The following GNAI1 variants were observed in gnomAD, a reference collection of about 807,000 sequenced individuals.
GNAI1 encodes G protein subunit alpha i1.
GNAI1 carries 11 observed loss-of-function variants against 38.9 expected under a neutral mutation model. The ratio of observed to expected loss-of-function variants is 0.28; its 90% CI spans 0.18 to 0.47. The LOEUF is 0.47. Ranked by LOEUF, GNAI1 falls within the 20% of genes least tolerant of loss-of-function variation. GNAI1 has a pLI of 0.99. For missense variants in GNAI1, 317 were observed against 436.9 expected, an observed-to-expected ratio of 0.73 and a Z score of 2.45; for synonymous variants, 166 against 145.1, an observed-to-expected ratio of 1.14 and a Z score of -1.04.
chr7:80,176,783 T>C (rs961569529), intron 1 of GNAI1, among the ~76,000 whole-genome samples: 6 of 151,040 alleles, frequency 4.0e-5, no homozygotes, highest in Non-Finnish European at 7.4e-5. Context: ...ACTAAAAATA[T>C]AAAAATTAGC....
chr7:80,215,821 G>A (rs1269114176), intron 7 of GNAI1, among the ~76,000 whole-genome samples: 1 of 152,190 alleles, frequency 6.6e-6, no homozygotes, highest in African/African-American at 2.4e-5. Flanking sequence ...GTTAGATGGA[G>A]TGCCAATTTT....
chr7:80,223,392 G>A lies in GNAI1; in HGVS notation c.*5899G>A, dbSNP rs1387443286. Among the ~76,000 whole-genome samples the A allele has an allele frequency of 6.6e-6, 1 of 152,164 alleles. No individual in the cohort carries two copies. The highest frequency in any genetic ancestry group is 1.5e-5 in the Non-Finnish European group (1 of 68,024). ...TTTGTACAATTTCAGTGTAAAGCTA[G>A]TCTTCAAAATAAACCACTGTGAAGA... On this transcript the variant is annotated 3_prime_UTR_variant, in exon 8 of 8. Coordinates refer to ENST00000649796, the MANE Select transcript of GNAI1 (RefSeq NM_002069.6).
At position 80,152,466 on chromosome 7, in the gene GNAI1, T is replaced by C. The variant is rs139670964; in HGVS notation, c.118+17188T>C. On this transcript the variant is annotated intron_variant, in intron 1 of 7. Coordinates refer to ENST00000649796, the MANE Select transcript of GNAI1 (RefSeq NM_002069.6). ...AAAAGGGGAAACTAAGTTATGCATA[T>C]CCATTGAAATAGGTCGATGTTTTGT... Among the ~76,000 whole-genome samples, 582 of 152,074 alleles carry C rather than the reference T, an allele frequency of 3.8e-3. 5 individuals carry two copies. Among genetic ancestry groups the C allele is most frequent in the African/African-American group, 0.013 (547 of 41,488 alleles).
intron 1 of GNAI1, among the ~76,000 whole-genome samples, chr7:80,147,369 C>T (rs1273331707): frequency 8.3e-6 from 1 of 121,018 alleles, no homozygotes; most frequent in African/African-American, 3.0e-5. Flanking sequence ...GATTGGTATC[C>T]TTATTAAAAA....
At chr7:80,135,396 A>G in intron 1 of GNAI1, 118 bp downstream of exon 1, 1 of 543,762 alleles carries the variant, frequency 1.8e-6, no homozygotes, top group Non-Finnish European at 2.9e-6. Context: ...GAGGCTTCTG[A>G]GCGGGAGCTG....
intron 1 of GNAI1, among the ~76,000 whole-genome samples, chr7:80,175,839 C>T (rs958073141): frequency 6.6e-6 from 1 of 152,136 alleles, no homozygotes; most frequent in African/African-American, 2.4e-5. Flanking sequence ...TCTACCTCTC[C>T]TCAAACCTCC....
intron 4 of GNAI1, among the ~76,000 whole-genome samples, chr7:80,202,050 GA>G (rs1056096856): frequency 7.2e-5 from 11 of 151,986 alleles, no homozygotes; most frequent in Non-Finnish European, 1.5e-4. Context: ...TATTTTTAGA[GA>G]TTTTTTTGAA....
At chr7:80,178,621 T>G (rs1346856325) in intron 1 of GNAI1, among the ~76,000 whole-genome samples, 1 of 152,196 alleles carries the variant, frequency 6.6e-6, no homozygotes, top group African/African-American at 2.4e-5. Context: ...ATAAAGTATT[T>G]TTTATTAAGG....
At chr7:80,182,524 C>T (rs544228272) in intron 1 of GNAI1, among the ~76,000 whole-genome samples, 1 of 152,136 alleles carries the variant, frequency 6.6e-6, no homozygotes, top group South Asian at 2.1e-4. Flanking sequence ...CAGATATCTC[C>T]CATGTATGTG....
chr7:80,200,895 G>T, intron 4 of GNAI1, among the ~76,000 whole-genome samples: 1 of 152,118 alleles, frequency 6.6e-6, no homozygotes, highest in Non-Finnish European at 1.5e-5. Context: ...TTGACCCACT[G>T]AGTTGGTCCT....
chr7:80,203,971 C>G, intron 5 of GNAI1, 139 bp downstream of exon 5: 1 of 493,080 alleles, frequency 2.0e-6, no homozygotes, highest in South Asian at 3.6e-5. Context: ...GATGATTGGA[C>G]AAAAGAATGT....
At chr7:80,168,110 T>G (rs868123698) in intron 1 of GNAI1, among the ~76,000 whole-genome samples, 3 of 152,156 alleles carry the variant, frequency 2.0e-5, no homozygotes, top group Non-Finnish European at 4.4e-5. Context: ...TCATTGCCCT[T>G]AGCTGACTCC....
At chr7:80,180,238 A>G (rs886595544) in intron 1 of GNAI1, among the ~76,000 whole-genome samples, 1 of 152,116 alleles carries the variant, frequency 6.6e-6, no homozygotes, top group Non-Finnish European at 1.5e-5. Flanking sequence ...ATTTTCATAA[A>G]TGTGTATGTA....
chr7:80,177,719 T>A (rs1295030365), intron 1 of GNAI1, among the ~76,000 whole-genome samples: 1 of 152,234 alleles, frequency 6.6e-6, no homozygotes, highest in South Asian at 2.1e-4. Context: ...CCTGAAGCTA[T>A]TCTCCTGACT....
intron 3 of GNAI1, among the ~76,000 whole-genome samples, chr7:80,191,899 GTTT>G (rs1478939427): frequency 6.6e-6 from 1 of 152,040 alleles, no homozygotes. Flanking sequence ...CAACATTTCA[GTTT>G]TTAACATCTG....
chr7:80,159,434 G>T (rs900909923), intron 1 of GNAI1, among the ~76,000 whole-genome samples: 1 of 151,986 alleles, frequency 6.6e-6, no homozygotes, highest in Non-Finnish European at 1.5e-5. Context: ...ACTCTTGTTG[G>T]CCCATAGCAG....
intron 1 of GNAI1, among the ~76,000 whole-genome samples, chr7:80,182,530 A>G (rs557307977): frequency 4.6e-4 from 70 of 152,282 alleles, no homozygotes; most frequent in African/African-American, 1.7e-3. Context: ...TCTCCCATGT[A>G]TGTGTAAATA....
chr7:80,163,029 T>C (rs1787949971), intron 1 of GNAI1, among the ~76,000 whole-genome samples: 1 of 152,146 alleles, frequency 6.6e-6, no homozygotes, highest in Non-Finnish European at 1.5e-5. Context: ...GTACTGATGA[T>C]AGATTCAAGG....
rs1162724911 is a variant in GNAI1 at position 80,135,178 on chromosome 7, C to T, written c.18C>T (p.Ser6=). 3 of 1,538,844 alleles carry T rather than the reference C, an allele frequency of 1.9e-6. No homozygotes were observed. The highest frequency in any genetic ancestry group is 1.7e-6 in the Non-Finnish European group (2 of 1,143,400). The part of the protein sequence containing the change: MGCTL[S]AEDKAAVERS... ...TCGGCACCATGGGCTGCACGCTGAGCGCCGAGGACAAGGCGGCGGTGGAGC... is the reference window on the plus strand; with the variant it reads ...TCGGCACCATGGGCTGCACGCTGAGTGCCGAGGACAAGGCGGCGGTGGAGC... The change falls in exon 1 of 8, where the codon AGC becomes AGT. Residue 6 remains serine, a synonymous_variant. Coordinates refer to ENST00000649796, the MANE Select transcript of GNAI1 (RefSeq NM_002069.6).
Sources: gnomAD v4.1 joint callset for allele counts (sites outside exome capture counted in the v4.1 genomes callset) on GRCh38, gnomAD v4.1.1 for gene constraint, MANE v1.5 for transcripts, NCBI Gene and HGNC (gene_info 2026-07-23, HGNC 2026-07-21) for gene names.